The following CAMTA1 variants were observed in gnomAD, a reference collection of about 807,000 sequenced individuals.
CAMTA1 encodes calmodulin-binding transcription activator 1.
A neutral mutation model predicts 170.9 loss-of-function variants in CAMTA1; 27 were observed. That is an observed-to-expected ratio of 0.16 (90% CI 0.12 to 0.22). The LOEUF is 0.22. Ranked by LOEUF, CAMTA1 falls within the 10% of genes least tolerant of loss-of-function variation. The probability of loss-of-function intolerance (pLI) is 1.00; values close to 1 mark genes in which losing one functional copy is unlikely to be tolerated. For missense variants in CAMTA1, 1,619 were observed against 2,217.2 expected (o/e 0.73, Z 5.42); for synonymous variants, 833 against 891.5 (o/e 0.93, Z 1.17).
chr1:7,341,849 G>A (rs761738225), intron 5 of CAMTA1, among the ~76,000 whole-genome samples: 1 of 152,164 alleles, frequency 6.6e-6, no homozygotes, highest in Non-Finnish European at 1.5e-5. Flanking sequence ...TCCAGGAGCT[G>A]GCCTCCTGGG....
intron 3 of CAMTA1, among the ~76,000 whole-genome samples, chr1:7,019,107 G>A (rs1422133958): frequency 1.3e-5 from 2 of 152,184 alleles, no homozygotes; most frequent in South Asian, 2.1e-4. Context: ...GGAGTGGAGC[G>A]GTGCCTGGGT....
chr1:7,706,652 G>T (rs1366672438), intron 11 of CAMTA1, among the ~76,000 whole-genome samples: 2 of 152,134 alleles, frequency 1.3e-5, no homozygotes, highest in Non-Finnish European at 2.9e-5. Context: ...CAAGAAAATA[G>T]CATTTACTTA....
At chr1:7,654,113 G>A (rs540183426) in intron 7 of CAMTA1, among the ~76,000 whole-genome samples, 3 of 152,236 alleles carry the variant, frequency 2.0e-5, no homozygotes, top group Non-Finnish European at 4.4e-5. Context: ...AGGCGTGGTG[G>A]CTCACACCTG....
intron 3 of CAMTA1, among the ~76,000 whole-genome samples, chr1:6,961,571 GCT>G (rs1228831267): frequency 7.2e-6 from 1 of 139,130 alleles, no homozygotes; most frequent in East Asian, 2.5e-4. Flanking sequence ...AGAGCCCAGG[GCT>G]CTCAGTCATG....
intron 3 of CAMTA1, among the ~76,000 whole-genome samples, chr1:6,955,907 A>T (rs1689370867): frequency 6.6e-6 from 1 of 152,186 alleles, no homozygotes; most frequent in South Asian, 2.1e-4. Context: ...GTGCAAATCA[A>T]TAACCCTTCA....
intron 5 of CAMTA1, among the ~76,000 whole-genome samples, chr1:7,418,870 C>A (rs2091375198): frequency 6.6e-6 from 1 of 152,182 alleles, no homozygotes; most frequent in Non-Finnish European, 1.5e-5. Context: ...CTGCCGGGAC[C>A]CGAATCTGGA....
intron 5 of CAMTA1, among the ~76,000 whole-genome samples, chr1:7,282,158 A>G (rs890004005): frequency 6.6e-6 from 1 of 152,164 alleles, no homozygotes; most frequent in Non-Finnish European, 1.5e-5. Flanking sequence ...CATAGACTAT[A>G]TTAAAAATAC....
intron 1 of CAMTA1, among the ~76,000 whole-genome samples, chr1:6,810,241 A>T (rs1645003564): frequency 1.3e-5 from 2 of 152,022 alleles, no homozygotes; most frequent in Non-Finnish European, 2.9e-5. Flanking sequence ...GTAGGGGAGG[A>T]TCCACTTCCA....
intron 3 of CAMTA1, among the ~76,000 whole-genome samples, chr1:7,052,873 G>A (rs560390579): frequency 3.6e-4 from 55 of 152,134 alleles, no homozygotes; most frequent in African/African-American, 1.3e-3. Context: ...TCTTGGGCCG[G>A]GCCGTCCCCT....
intron 3 of CAMTA1, among the ~76,000 whole-genome samples, chr1:6,928,617 C>T (rs1683799009): frequency 6.6e-6 from 1 of 152,140 alleles, no homozygotes; most frequent in African/African-American, 2.4e-5. Context: ...CCTGCTGCCT[C>T]ACTCCTCCTC....
intron 3 of CAMTA1, among the ~76,000 whole-genome samples, chr1:7,072,632 G>A (rs765924950): frequency 6.6e-6 from 1 of 152,188 alleles, no homozygotes; most frequent in Non-Finnish European, 1.5e-5. Context: ...AAAGAAAGTG[G>A]GGTGGAGGGC....
At chr1:7,574,942 C>T (rs17031148) in intron 6 of CAMTA1, among the ~76,000 whole-genome samples, 3,988 of 152,298 alleles carry the variant, frequency 0.026, 162 homozygotes, top group African/African-American at 0.082. Context: ...ACGGACATGT[C>T]GACCAGCAAT....
At chr1:7,177,955 C>T (rs555197648) in intron 4 of CAMTA1, among the ~76,000 whole-genome samples, 3 of 152,032 alleles carry the variant, frequency 2.0e-5, no homozygotes, top group South Asian at 2.1e-4. Flanking sequence ...CACGGAGGCT[C>T]CTCCCACACA....
At chr1:7,595,400 G>A (rs1025529396) in intron 6 of CAMTA1, among the ~76,000 whole-genome samples, 1 of 152,190 alleles carries the variant, frequency 6.6e-6, no homozygotes, top group Non-Finnish European at 1.5e-5. Flanking sequence ...CTTTTAGAAA[G>A]CTATTTCAGT....
intron 3 of CAMTA1, among the ~76,000 whole-genome samples, chr1:6,886,762 C>T (rs1167661740): frequency 6.6e-6 from 1 of 152,240 alleles, no homozygotes; most frequent in Non-Finnish European, 1.5e-5. Context: ...GTTTTATCTA[C>T]AGCCACTCCC....
At position 7,333,989 on chromosome 1, in the gene CAMTA1, G is replaced by A. The variant is rs1488963209; in HGVS notation, c.438+84363G>A. On this transcript the variant is annotated intron_variant, in intron 5 of 22. Transcript: ENST00000303635. This position sits in a 1 kb window ranked among gnomAD's most constrained non-coding sequence, Gnocchi z 4.4. ...GGCTCTCTGCTCTCCAGCCTGATGTGGGCAAATTGTGTCACGTAGCCAGGC... is the reference window on the plus strand; with the variant it reads ...GGCTCTCTGCTCTCCAGCCTGATGTAGGCAAATTGTGTCACGTAGCCAGGC... 6.6e-6 allele frequency among the ~76,000 whole-genome samples: 1 copy of A among 152,092 alleles called. No individual in the cohort carries two copies. Among genetic ancestry groups the A allele is most frequent in the Non-Finnish European group, 1.5e-5 (1 of 68,012 alleles).
chr1:6,915,469 A>T (rs188716882), intron 3 of CAMTA1, among the ~76,000 whole-genome samples: 1 of 152,292 alleles, frequency 6.6e-6, no homozygotes, highest in East Asian at 1.9e-4. Context: ...GGGCATTGGT[A>T]CAGGCTGTGG....
intron 11 of CAMTA1, among the ~76,000 whole-genome samples, chr1:7,709,777 C>T (rs956545753): frequency 2.0e-5 from 3 of 152,190 alleles, no homozygotes; most frequent in East Asian, 1.9e-4. Context: ...CTTGTATCTC[C>T]GGCTCTCTTA....
At chr1:6,924,511 C>G (rs943919970) in intron 3 of CAMTA1, among the ~76,000 whole-genome samples, 3 of 152,178 alleles carry the variant, frequency 2.0e-5, no homozygotes, top group African/African-American at 7.2e-5. Context: ...GGGCGGCCCT[C>G]CCTGGCCTGG....
Sources: gnomAD v4.1 joint callset for allele counts (sites outside exome capture counted in the v4.1 genomes callset) on GRCh38, gnomAD v4.1.1 for gene constraint, Gnocchi (gnomAD v3.1) non-coding constraint, MANE v1.5 for transcripts, NCBI Gene and HGNC (gene_info 2026-07-23, HGNC 2026-07-21) for gene names.